Variants in PAMR1 observed in about 807,000 individuals in gnomAD.
The protein encoded by PAMR1 is peptidase domain containing associated with muscle regeneration 1.
In PAMR1, 88 loss-of-function variants were observed where a neutral mutation model predicts 81.8. That is an observed-to-expected ratio of 1.08 (90% CI 0.91 to 1.28). The LOEUF is 1.28. Among genes scored for constraint, PAMR1 ranks in the 50% most tolerant of loss-of-function variants. The pLI is 0.00. For synonymous variants in PAMR1, 336 were observed against 345.3 expected, an observed-to-expected ratio of 0.97 and a Z score of 0.30; for missense variants, 935 against 919.7, an observed-to-expected ratio of 1.02 and a Z score of -0.21.
chr11:35,494,788 C>G (rs1289648870), intron 1 of PAMR1, among the ~76,000 whole-genome samples: 1 of 152,196 alleles, frequency 6.6e-6, no homozygotes, highest in Non-Finnish European at 1.5e-5. Context: ...ATATTTAAAA[C>G]CACGCATGGG....
intron 6 of PAMR1, among the ~76,000 whole-genome samples, chr11:35,467,279 G>A (rs1856774290): frequency 6.6e-6 from 1 of 152,128 alleles, no homozygotes; most frequent in Non-Finnish European, 1.5e-5. Flanking sequence ...TCCCCAGGGA[G>A]CCTGTCCTTA....
At chr11:35,497,767 T>C (rs1037862818) in intron 1 of PAMR1, among the ~76,000 whole-genome samples, 1 of 152,262 alleles carries the variant, frequency 6.6e-6, no homozygotes, top group South Asian at 2.1e-4. Context: ...ACTGTACTGA[T>C]ATTTATTACT....
At chr11:35,465,567 G>A (rs994318137) in intron 6 of PAMR1, among the ~76,000 whole-genome samples, 15 of 152,210 alleles carry the variant, frequency 9.9e-5, no homozygotes, top group South Asian at 2.1e-4. Flanking sequence ...TTTTTGTGAC[G>A]TGTCCCCCAG....
intron 6 of PAMR1, among the ~76,000 whole-genome samples, chr11:35,453,007 TGGTG>T (rs1856451891): frequency 1.3e-5 from 2 of 152,190 alleles, no homozygotes; most frequent in Admixed American, 6.5e-5. Flanking sequence ...AAATATTTGT[TGGTG>T]GGTGGAAGGG....
chr11:35,496,577 G>T (rs906877139), intron 1 of PAMR1, among the ~76,000 whole-genome samples: 3 of 152,162 alleles, frequency 2.0e-5, no homozygotes, highest in Non-Finnish European at 4.4e-5. Flanking sequence ...CACTTACTAG[G>T]GTGGCTATGA....
chr11:35,437,862 G>A (rs1856085327), intron 8 of PAMR1, among the ~76,000 whole-genome samples: 1 of 152,196 alleles, frequency 6.6e-6, no homozygotes, highest in South Asian at 2.1e-4. Context: ...TCAGGAAAGA[G>A]GGCAGAATTT....
intron 4 of PAMR1, 71 bp downstream of exon 4, chr11:35,474,558 AC>A: frequency 1.2e-6 from 1 of 835,336 alleles, no homozygotes; most frequent in Non-Finnish European, 1.9e-6. Flanking sequence ...GATCCCAGTG[AC>A]CAAGAGCCTT....
chr11:35,470,540 G>A (rs1856833560), intron 5 of PAMR1, 61 bp downstream of exon 5: 1 of 1,260,104 alleles, frequency 7.9e-7, no homozygotes, highest in East Asian at 2.3e-5. Flanking sequence ...AAGGGACATG[G>A]AAAGGAGATA....
chr11:35,448,851 G>A (rs1005009396), intron 6 of PAMR1, among the ~76,000 whole-genome samples: 2 of 152,108 alleles, frequency 1.3e-5, no homozygotes, highest in African/African-American at 2.4e-5. Context: ...TGATGTTGTT[G>A]TTGCTTTCTG....
rs1856843451 is a variant in PAMR1, at chr11:35,470,890, A to C, written c.495-72T>G. Reference sequence around the variant, plus strand: ...GTCCTGAGACCGCTGGGCTCATTCAAGGCCAGATGAGGAACAGGCCTGAGG... The same window carrying C: ...GTCCTGAGACCGCTGGGCTCATTCACGGCCAGATGAGGAACAGGCCTGAGG... On this transcript the variant is annotated intron_variant, in intron 4 of 10. Coordinates refer to ENST00000619888, the MANE Select transcript of PAMR1 (RefSeq NM_001001991.3). 8.0e-6 allele frequency: 8 copies of C among 998,896 alleles called. 1 individual carries two copies. In the South Asian group the frequency reaches 8.0e-5, roughly 10 times the overall value. 61.9% of individuals were successfully genotyped at this position (998,896 alleles called of 1,614,324 possible).
At chr11:35,514,812 C>G (rs1045707551) in intron 1 of PAMR1, among the ~76,000 whole-genome samples, 2 of 152,072 alleles carry the variant, frequency 1.3e-5, no homozygotes, top group African/African-American at 4.8e-5. Context: ...ATAGCAAACC[C>G]ACCCCCGCAC....
intron 1 of PAMR1, among the ~76,000 whole-genome samples, chr11:35,509,693 T>C (rs1851037943): frequency 6.6e-6 from 1 of 152,154 alleles, no homozygotes; most frequent in African/African-American, 2.4e-5. Flanking sequence ...GTCTTATTTA[T>C]TGAAACAAAG....
intron 4 of PAMR1, among the ~76,000 whole-genome samples, 175 bp from the exon 5 acceptor site, chr11:35,470,993 T>C (rs1590348376): frequency 6.6e-6 from 1 of 152,146 alleles, no homozygotes; most frequent in Admixed American, 6.5e-5. Context: ...CAGAGGAGTA[T>C]GTATTTGTGC....
intron 1 of PAMR1, among the ~76,000 whole-genome samples, chr11:35,524,731 A>C (rs1289646876): frequency 6.6e-6 from 1 of 152,182 alleles, no homozygotes; most frequent in African/African-American, 2.4e-5. Flanking sequence ...GCCTGCCAGC[A>C]AGCAGGATCT....
At chr11:35,526,600 T>C (rs1851396599), upstream of PAMR1, among the ~76,000 whole-genome samples, 1 of 152,188 alleles carries the variant, frequency 6.6e-6, no homozygotes, top group Non-Finnish European at 1.5e-5. Context: ...ACGGAACCAT[T>C]GAGGATTACA....
At chr11:35,524,534 T>G (rs562804242) in intron 1 of PAMR1, among the ~76,000 whole-genome samples, 1 of 152,268 alleles carries the variant, frequency 6.6e-6, no homozygotes, top group African/African-American at 2.4e-5. Flanking sequence ...AGCTCTCAGA[T>G]AGAGTTCAGG....
chr11:35,463,800 C>T (rs565341370), intron 6 of PAMR1, among the ~76,000 whole-genome samples: 16 of 152,300 alleles, frequency 1.1e-4, no homozygotes, highest in African/African-American at 2.6e-4. Context: ...ACTGTCCCAT[C>T]GGAGGCTCTC....
At chr11:35,522,868 C>T (rs972844738) in intron 1 of PAMR1, among the ~76,000 whole-genome samples, 1 of 152,194 alleles carries the variant, frequency 6.6e-6, no homozygotes, top group African/African-American at 2.4e-5. Flanking sequence ...AGAATTAATG[C>T]ATATGAAGCC....
rs141739658 is a variant in PAMR1 at position 35,494,219 on chromosome 11, G to T, written c.127C>A (p.Arg43=). The part of the protein sequence containing the change: ...CPGAEWNIMC[R]ECCEYDQIEC... The stretch of plus-strand genomic sequence containing the variant: ...ATCTGATCATATTCACAGCACTCCC[G>T]ACACATGATATTCCACTCTGCTCCA... The change falls in exon 2 of 11, where the codon CGG becomes AGG. Residue 43 remains arginine, a synonymous_variant. Coordinates refer to ENST00000619888, the MANE Select transcript of PAMR1 (RefSeq NM_001001991.3). 6.2e-7 allele frequency: 1 copy of T among 1,614,066 alleles called. No homozygotes were observed. The highest frequency in any genetic ancestry group is 8.5e-7 in the Non-Finnish European group (1 of 1,179,928).
Sources: gnomAD v4.1 joint callset for allele counts (sites outside exome capture counted in the v4.1 genomes callset) on GRCh38, gnomAD v4.1.1 for gene constraint, MANE v1.5 for transcripts, NCBI Gene and HGNC (gene_info 2026-07-23, HGNC 2026-07-21) for gene names.